Variants in SAMD5 observed in about 807,000 individuals in gnomAD.
The protein encoded by SAMD5 is sterile alpha motif domain containing 5.
In SAMD5, 13 loss-of-function variants were observed where a neutral mutation model predicts 11.3. The ratio of observed to expected loss-of-function variants is 1.15; its 90% confidence interval spans 0.75 to 1.83. The LOEUF (loss-of-function observed/expected upper bound fraction) is 1.83. Ranked by LOEUF, SAMD5 falls within the 40% of genes most tolerant of loss-of-function variation. SAMD5 has a pLI of 0.00. For missense variants in SAMD5, 255 were observed against 239.1 expected (o/e 1.07, Z -0.44); for synonymous variants, 129 against 111.3 (o/e 1.16, Z -1.00).
chr6:147,869,077 A>G, the SAMD5 span, among the ~76,000 whole-genome samples: 57,981 of 152,080 alleles, frequency 0.38, 11,573 homozygotes, highest in East Asian at 0.47. Flanking sequence ...AAACAAAAGG[A>G]AAACGGATGT....
chr6:147,655,737 A>G (rs1234886121), intron 1 of SAMD5, among the ~76,000 whole-genome samples: 1 of 152,206 alleles, frequency 6.6e-6, no homozygotes, highest in African/African-American at 2.4e-5. Context: ...TTTTCATTGT[A>G]GTTTTCTAGT....
chr6:147,554,277 A>G (rs924542398), intron 1 of SAMD5, among the ~76,000 whole-genome samples: 2 of 152,114 alleles, frequency 1.3e-5, no homozygotes, highest in African/African-American at 4.8e-5. Context: ...TACATGGGGA[A>G]TTTTGAGAAC....
At chr6:147,803,131 C>CTGTGTGTGTGTGTGTG in the SAMD5 span, among the ~76,000 whole-genome samples, 3 of 136,818 alleles carry the variant, frequency 2.2e-5, no homozygotes, top group East Asian at 2.1e-4. Context: ...GCCTTCCTTT[C>CTGTGTGTGTGTGTGTG]TGTGTGTGTG....
intron 1 of SAMD5, among the ~76,000 whole-genome samples, chr6:147,596,848 T>C (rs60469269): frequency 0.021 from 3,164 of 152,294 alleles, 110 homozygotes; most frequent in African/African-American, 0.073. Context: ...TTTGGAAAAA[T>C]GCCATGTGGA....
chr6:147,685,898 A>G (rs1320362695), intron 1 of SAMD5, among the ~76,000 whole-genome samples: 3 of 152,208 alleles, frequency 2.0e-5, no homozygotes, highest in Non-Finnish European at 2.9e-5. Flanking sequence ...TAGGTCACTG[A>G]TCCTGATGCA....
the SAMD5 span, among the ~76,000 whole-genome samples, chr6:147,910,263 C>G: frequency 6.6e-6 from 1 of 152,018 alleles, no homozygotes; most frequent in Non-Finnish European, 1.5e-5. Context: ...CTACCCACCC[C>G]CAGGCCACCC....
At chr6:147,890,296 T>A in the SAMD5 span, among the ~76,000 whole-genome samples, 2 of 150,678 alleles carry the variant, frequency 1.3e-5, no homozygotes, top group Admixed American at 1.3e-4. Flanking sequence ...AAAATGCATA[T>A]AAACTTACAC....
the SAMD5 span, among the ~76,000 whole-genome samples, chr6:147,922,198 G>A: frequency 6.6e-6 from 1 of 152,086 alleles, no homozygotes; most frequent in Admixed American, 6.6e-5. Context: ...TGCCAACATT[G>A]TCTCTTCATC....
At chr6:147,519,401 A>G (rs926262453) in intron 1 of SAMD5, among the ~76,000 whole-genome samples, 3 of 152,230 alleles carry the variant, frequency 2.0e-5, no homozygotes, top group Non-Finnish European at 4.4e-5. Context: ...ACACAGGAAT[A>G]CCTTTTAAAG....
the SAMD5 span, among the ~76,000 whole-genome samples, chr6:147,830,409 A>G: frequency 1.1e-4 from 16 of 151,808 alleles, no homozygotes; most frequent in African/African-American, 3.6e-4. Context: ...GGTATGTACC[A>G]CTACGCCTGG....
chr6:147,774,415 C>G, the SAMD5 span, among the ~76,000 whole-genome samples: 12 of 152,166 alleles, frequency 7.9e-5, no homozygotes, highest in South Asian at 2.5e-3. Flanking sequence ...CCTTGGGTAC[C>G]AAAATTTACA....
chr6:147,575,764 C>T (rs1017496124), intron 1 of SAMD5, among the ~76,000 whole-genome samples: 3 of 152,168 alleles, frequency 2.0e-5, no homozygotes, highest in Admixed American at 6.5e-5. Context: ...GGGTCTCTGA[C>T]ATGATTTACC....
At chr6:147,549,653 T>C (rs1163568857) in intron 1 of SAMD5, among the ~76,000 whole-genome samples, 1 of 152,140 alleles carries the variant, frequency 6.6e-6, no homozygotes, top group Non-Finnish European at 1.5e-5. Context: ...TTTTACTCTC[T>C]AGGATCACAT....
the SAMD5 span, among the ~76,000 whole-genome samples, chr6:147,897,687 G>C: frequency 6.6e-6 from 1 of 152,126 alleles, no homozygotes; most frequent in African/African-American, 2.4e-5. Context: ...GCTCACACCT[G>C]TAATCCCAGC....
chr6:147,588,517 G>A (rs1020193172), intron 1 of SAMD5, among the ~76,000 whole-genome samples: 1 of 151,538 alleles, frequency 6.6e-6, no homozygotes, highest in Non-Finnish European at 1.5e-5. Context: ...GTAGAGACAG[G>A]GTCTCATCAT....
chr6:147,671,394 C>G (rs1007840391), intron 1 of SAMD5, among the ~76,000 whole-genome samples: 4 of 152,150 alleles, frequency 2.6e-5, no homozygotes, highest in African/African-American at 9.7e-5. Context: ...AGTGCAGTAT[C>G]TGAAAACTAC....
chr6:147,635,796 C>T (rs889084830), intron 1 of SAMD5, among the ~76,000 whole-genome samples: 2 of 152,172 alleles, frequency 1.3e-5, no homozygotes, highest in Non-Finnish European at 2.9e-5. Flanking sequence ...AGAATGAATA[C>T]GTATGGAGCC....
intron 1 of SAMD5, among the ~76,000 whole-genome samples, chr6:147,649,077 A>G (rs1790445269): frequency 6.6e-6 from 1 of 152,206 alleles, no homozygotes; most frequent in African/African-American, 2.4e-5. Context: ...AATGTTTTCC[A>G]TATGCCGTTA....
intron 1 of SAMD5, among the ~76,000 whole-genome samples, chr6:147,684,848 T>A (rs1471689627): frequency 6.6e-6 from 1 of 152,196 alleles, no homozygotes. Context: ...TTTAAAATTT[T>A]TTGTCAAAAT....
Sources: allele counts gnomAD v4.1 joint callset (sites outside exome capture counted in the v4.1 genomes callset), GRCh38; gene constraint gnomAD v4.1.1; transcripts MANE v1.5; gene names NCBI Gene and HGNC (gene_info 2026-07-23, HGNC 2026-07-21).